Variants in JAML observed in about 807,000 individuals in gnomAD.
JAML encodes junctional adhesion molecule-like.
Under a neutral mutation model 39.3 loss-of-function variants are expected in JAML, and 25 were observed. The observed-to-expected ratio is 0.64, with a 90% CI of 0.46 to 0.89. The LOEUF is 0.89. Among genes scored for constraint, JAML ranks in the 40% least tolerant of loss-of-function variants. The pLI is 0.00. For synonymous variants in JAML, 162 were observed against 179.2 expected, an observed-to-expected ratio of 0.90 and a Z score of 0.77; for missense variants, 440 against 486.9, an observed-to-expected ratio of 0.90 and a Z score of 0.91.
At chr11:118,206,692 AC>A (rs1487371316) in intron 4 of JAML, among the ~76,000 whole-genome samples, 1 of 151,258 alleles carries the variant, frequency 6.6e-6, no homozygotes, top group African/African-American at 2.4e-5. Flanking sequence ...TCCTGCCCCC[AC>A]CCTCCCGACT....
chr11:118,195,768 G>A (rs1948639638), intron 9 of JAML, among the ~76,000 whole-genome samples: 1 of 152,078 alleles, frequency 6.6e-6, no homozygotes, highest in Non-Finnish European at 1.5e-5. Flanking sequence ...TGATAGCAAG[G>A]AAAACGACTC....
Position 118,196,752 on chromosome 11 carries a change from C to G in JAML, c.1075G>C (p.Ala359Pro), listed in dbSNP as rs1264855917. The change falls in exon 9 of 10, where the codon GCC becomes CCC. Residue 359 changes from alanine to proline, a missense_variant. By Grantham distance (27) the Ala-to-Pro change is conservative. Transcript: ENST00000356289. ...EEEEPSEKSEATYMTMHPVWP... is the reference protein window; with the variant it reads ...EEEEPSEKSEPTYMTMHPVWP... ...ATTCTCACCATGGTCATGTAGGTGG[C>G]CTCTGATTTTTCACTTGGTTCTTCT... 2 of 1,611,332 alleles carry G rather than the reference C, an allele frequency of 1.2e-6. No homozygotes were observed. The highest frequency in any genetic ancestry group is 1.7e-6 in the Non-Finnish European group (2 of 1,177,496).
chr11:118,203,220 G>A, intron 6 of JAML: 1 of 706,230 alleles, frequency 1.4e-6, no homozygotes, highest in Non-Finnish European at 2.6e-6. Context: ...TAGCAGCAGG[G>A]CCAGAACTAG....
At chr11:118,196,922 A>C (rs1948669867) in intron 8 of JAML, 101 bp from the exon 9 acceptor site, 2 of 901,736 alleles carry the variant, frequency 2.2e-6, no homozygotes, top group African/African-American at 1.6e-5. Context: ...CGACCACCCA[A>C]ACTGCTGGTT....
intron 1 of JAML, among the ~76,000 whole-genome samples, chr11:118,220,718 G>C (rs1271578261): frequency 6.6e-6 from 1 of 152,198 alleles, no homozygotes; most frequent in Non-Finnish European, 1.5e-5. Flanking sequence ...GCTCCCTCCA[G>C]GTTGCCCTAA....
chr11:118,194,679 G>C (rs2134636483), intron 9 of JAML, among the ~76,000 whole-genome samples: 1 of 152,316 alleles, frequency 6.6e-6, no homozygotes, highest in South Asian at 2.1e-4. Context: ...ACCCAGGTCT[G>C]TCTAACTCCA....
intron 7 of JAML, among the ~76,000 whole-genome samples, chr11:118,198,674 TAAA>T (rs61119825): frequency 5.5e-5 from 7 of 127,588 alleles, no homozygotes; most frequent in Non-Finnish European, 1.2e-4. Flanking sequence ...AAGTCAGAAC[TAAA>T]AAAAAAAAAA....
chr11:118,205,081 G>A (rs1948889938), intron 5 of JAML: 1 of 152,222 alleles, frequency 6.6e-6, no homozygotes, highest in South Asian at 2.1e-4. Context: ...GGGACCAGAT[G>A]TAATTCCCCA....
At chr11:118,214,258 G>A (rs1297332859) in intron 2 of JAML, among the ~76,000 whole-genome samples, 1 of 152,142 alleles carries the variant, frequency 6.6e-6, no homozygotes, top group African/African-American at 2.4e-5. Context: ...TCTGGTCTGA[G>A]GAGATGGCCA....
At chr11:118,209,582 G>A (rs1477907491) in intron 4 of JAML, among the ~76,000 whole-genome samples, 1 of 152,276 alleles carries the variant, frequency 6.6e-6, no homozygotes, top group East Asian at 1.9e-4. Context: ...GGGCAGTGGT[G>A]TGATCACAGC....
At chr11:118,196,589 A>T in intron 9 of JAML, 146 bp downstream of exon 9, 1 of 694,756 alleles carries the variant, frequency 1.4e-6, no homozygotes, top group East Asian at 2.5e-5. Flanking sequence ...TCTTCTATCC[A>T]GCAGAACTTC....
At chr11:118,208,096 T>TGATGCACA (rs58387215) in intron 4 of JAML, among the ~76,000 whole-genome samples, 68,910 of 151,290 alleles carry the variant, frequency 0.46, 17,616 homozygotes, top group South Asian at 0.73. Flanking sequence ...CCAGGCATGG[T>TGATGCACA]GATGCACACC....
At chr11:118,210,453 C>A (rs753724207) in intron 4 of JAML, 34 bp downstream of exon 4, 3 of 1,606,940 alleles carry the variant, frequency 1.9e-6, no homozygotes, top group Non-Finnish European at 2.6e-6. Flanking sequence ...AAGCTCTTGC[C>A]CCTTGGCCCC....
intron 1 of JAML, among the ~76,000 whole-genome samples, chr11:118,219,832 G>C (rs531937405): frequency 6.6e-6 from 1 of 152,222 alleles, no homozygotes; most frequent in Non-Finnish European, 1.5e-5. Context: ...GACAGCTGAA[G>C]GTCCTGGCCA....
intron 5 of JAML, chr11:118,205,620 C>A (rs1369821662): frequency 2.6e-5 from 11 of 425,792 alleles, no homozygotes; most frequent in Non-Finnish European, 8.6e-6. Context: ...AATGCAGGGG[C>A]CAAGTCTTAT....
intron 1 of JAML, among the ~76,000 whole-genome samples, chr11:118,219,089 AT>A (rs75991017): frequency 0.36 from 54,025 of 151,922 alleles, 13,562 homozygotes; most frequent in African/African-American, 0.71. Flanking sequence ...CTAATAGTGT[AT>A]GGGGGGTTAA....
intron 8 of JAML, 79 bp from the exon 9 acceptor site, chr11:118,196,900 T>C: frequency 8.1e-7 from 1 of 1,240,414 alleles, no homozygotes; most frequent in Non-Finnish European, 1.2e-6. Context: ...CCCACTCCTA[T>C]TTGCTAGGCA....
chr11:118,219,676 C>T (rs1949188326), intron 1 of JAML, among the ~76,000 whole-genome samples: 1 of 152,216 alleles, frequency 6.6e-6, no homozygotes, highest in South Asian at 2.1e-4. Flanking sequence ...TTGGTAAATA[C>T]ATTTGCTGCC....
chr11:118,206,036 A>C lies in JAML; in HGVS notation c.425-45T>G, dbSNP rs374104822. ...TCAAGTCAGACTCAAGTTATAATCT[A>C]TAGAAGTCAAAGAATTTCTAGAAGA... On this transcript the variant is annotated intron_variant, in intron 4 of 9. Transcript: ENST00000356289. The C allele has an allele frequency of 1.6e-5, 24 of 1,519,840 alleles. No homozygotes were observed. In the African/African-American group the frequency reaches 2.6e-4, roughly 17 times the overall value. The allele number at this position is 1,519,840 out of a possible 1,614,324, so 94.1% of individuals were successfully genotyped here. A position where few individuals can be genotyped will look rare whatever the true frequency, so the allele number is the denominator to read the frequency against.
Sources: allele counts gnomAD v4.1 joint callset (sites outside exome capture counted in the v4.1 genomes callset), GRCh38; gene constraint gnomAD v4.1.1; transcripts MANE v1.5; gene names NCBI Gene and HGNC (gene_info 2026-07-23, HGNC 2026-07-21).